Variants in HSD11B1 observed in about 807,000 individuals in gnomAD.
The protein encoded by HSD11B1 is 11-beta-hydroxysteroid dehydrogenase 1.
HSD11B1 carries 15 observed loss-of-function variants against 22.1 expected under a neutral mutation model. The observed-to-expected ratio is 0.68, with a 90% CI of 0.45 to 1.04. The LOEUF (loss-of-function observed/expected upper bound fraction) is 1.04. Among genes scored for constraint, HSD11B1 ranks in the 50% least tolerant of loss-of-function variants. HSD11B1 has a pLI of 0.00. For missense variants in HSD11B1, 281 were observed against 357.6 expected (o/e 0.79, Z 1.73); for synonymous variants, 122 against 125.2 (o/e 0.97, Z 0.17).
At chr1:209,722,992 T>C (rs1415967879) in intron 4 of HSD11B1, among the ~76,000 whole-genome samples, 1 of 152,184 alleles carries the variant, frequency 6.6e-6, no homozygotes, top group East Asian at 1.9e-4. Flanking sequence ...CCTCAGTGCA[T>C]GGCTTCTTTG....
intron 4 of HSD11B1, among the ~76,000 whole-genome samples, chr1:209,725,081 G>A (rs2076992744): frequency 6.6e-6 from 1 of 152,090 alleles, no homozygotes; most frequent in African/African-American, 2.4e-5. Flanking sequence ...CTTTATCTCA[G>A]TATGAACTTT....
chr1:209,704,053 C>T (rs1009171646), upstream of HSD11B1, among the ~76,000 whole-genome samples: 2 of 152,194 alleles, frequency 1.3e-5, no homozygotes, highest in African/African-American at 4.8e-5. Flanking sequence ...CAGCTAGTTT[C>T]ACTTGCCTAA....
intron 2 of HSD11B1, 32 bp downstream of exon 2, chr1:209,705,973 C>T (rs370466267): frequency 3.0e-5 from 49 of 1,612,546 alleles, no homozygotes; most frequent in Admixed American, 5.0e-5. Context: ...ATATGTGTAC[C>T]GTCACATGCT....
At chr1:209,693,298 C>A (rs747946441) in intron 1 of HSD11B1, among the ~76,000 whole-genome samples, 24 of 152,154 alleles carry the variant, frequency 1.6e-4, no homozygotes, top group Non-Finnish European at 2.8e-4. Flanking sequence ...GGGAGCAGGA[C>A]AAGGCAGAAA....
At position 209,698,213 on chromosome 1, in the gene HSD11B1, AG is replaced by A. The variant is rs1475458380; in HGVS notation, c.-48-6681del. Among the ~76,000 whole-genome samples, 3 of 149,680 alleles carry A rather than the reference AG, an allele frequency of 2.0e-5. No homozygotes were observed. The East Asian group carries it at 5.9e-4, about 29-fold the overall frequency. On this transcript the variant is annotated intron_variant, in intron 1 of 6. Coordinates refer to the HSD11B1 transcript ENST00000261465. ...TAGATAGATAGATAGATAGATAGAT[AG>A]ATAGGAAGGACAGACAGACAGGCAT...
chr1:209,705,790 C>T, intron 1 of HSD11B1, 21 bp from the exon 2 acceptor site: 1 of 1,613,234 alleles, frequency 6.2e-7, no homozygotes, highest in East Asian at 2.2e-5. Flanking sequence ...ATGGTCCTCA[C>T]TTCCTTTTGG....
intron 1 of HSD11B1, among the ~76,000 whole-genome samples, chr1:209,698,192 T>C (rs1205795660): frequency 1.3e-5 from 2 of 151,692 alleles, no homozygotes; most frequent in Admixed American, 6.6e-5. Context: ...GATAGATAGA[T>C]AGATAGATAG....
chr1:209,705,372 C>CAAAAAA, intron 1 of HSD11B1, among the ~76,000 whole-genome samples: 1 of 83,050 alleles, frequency 1.2e-5, no homozygotes, highest in Non-Finnish European at 2.6e-5. Context: ...AAGTGGGAGG[C>CAAAAAA]AAAAAAAAAA....
chr1:209,707,280 T>A lies in HSD11B1; in HGVS notation c.517+152T>A, dbSNP rs1451761549. 14 of 712,544 alleles carry A rather than the reference T, an allele frequency of 2.0e-5. No individual in the cohort carries two copies. In the Admixed American group the frequency reaches 3.0e-4, roughly 15 times the overall value. 44.1% of individuals were successfully genotyped at this position (712,544 alleles called of 1,614,324 possible). On this transcript the variant is annotated intron_variant, in intron 4 of 5. Coordinates refer to ENST00000367027, the MANE Select transcript of HSD11B1 (RefSeq NM_005525.4). Reference sequence around the variant, plus strand: ...AGGTAAGTGGGCTACAAAATTCTTTTAAGTAACAGAGAAAAAGCAGTAGCT... The same window carrying A: ...AGGTAAGTGGGCTACAAAATTCTTTAAAGTAACAGAGAAAAAGCAGTAGCT...
rs958227524 is a variant in HSD11B1, at chr1:209,706,302, T to C, written c.219+361T>C. The stretch of plus-strand genomic sequence containing the variant: ...CCCAGTACCTGCTTATGAATACATA[T>C]CCTCATACCCATGCAGACTCCCAGA... On this transcript the variant is annotated intron_variant, in intron 2 of 5. Coordinates refer to ENST00000367027, the MANE Select transcript of HSD11B1 (RefSeq NM_005525.4). This position sits in a 1 kb window ranked among gnomAD's most constrained non-coding sequence, Gnocchi z 4.0. Among the ~76,000 whole-genome samples, 2 of 152,144 alleles carry C rather than the reference T, an allele frequency of 1.3e-5. No homozygotes were observed. Among genetic ancestry groups the C allele is most frequent in the Non-Finnish European group, 1.5e-5 (1 of 68,028 alleles).
rs557818199 is a variant in HSD11B1 at position 209,706,867 on chromosome 1, T to C, written c.331+47T>C. 179 of 1,598,466 alleles carry C rather than the reference T, an allele frequency of 1.1e-4. No individual in the cohort carries two copies. The African/African-American group carries it at 2.2e-3, about 20-fold the overall frequency. On this transcript the variant is annotated intron_variant, in intron 3 of 5. Transcript: ENST00000367027. This position sits in a 1 kb window ranked among gnomAD's most constrained non-coding sequence, Gnocchi z 4.0. ...CCTCCTCTGAACTTTGCCCTTGGGG[T>C]CACCAAGAGCTTTTGGGAGGAGAAT...
chr1:209,726,629 T>A (rs1296416469), intron 4 of HSD11B1, among the ~76,000 whole-genome samples: 2 of 152,188 alleles, frequency 1.3e-5, no homozygotes, highest in African/African-American at 4.8e-5. Flanking sequence ...CATACAAGCA[T>A]CCATGTCATG....
intron 1 of HSD11B1, among the ~76,000 whole-genome samples, chr1:209,696,017 C>A (rs2076789157): frequency 6.6e-6 from 1 of 152,206 alleles, no homozygotes; most frequent in East Asian, 1.9e-4. Flanking sequence ...TACATCCATA[C>A]AATGGAATAT....
intron 4 of HSD11B1, among the ~76,000 whole-genome samples, chr1:209,709,975 A>C (rs924264060): frequency 2.9e-5 from 4 of 136,240 alleles, no homozygotes; most frequent in South Asian, 5.0e-4. Flanking sequence ...CACACACACA[A>C]AAGACTCATT....
chr1:209,692,965 T>TA (rs1449550888), intron 1 of HSD11B1, among the ~76,000 whole-genome samples: 1 of 152,210 alleles, frequency 6.6e-6, no homozygotes, highest in African/African-American at 2.4e-5. Flanking sequence ...TCTGTATATT[T>TA]AAGTCTCTCT....
intron 1 of HSD11B1, among the ~76,000 whole-genome samples, chr1:209,694,896 A>C (rs1558186050): frequency 6.6e-6 from 1 of 152,226 alleles, no homozygotes; most frequent in Non-Finnish European, 1.5e-5. Context: ...TAAAGCAGAA[A>C]ACAGTGGTGG....
chr1:209,727,832 C>T (rs2077013030), intron 4 of HSD11B1, among the ~76,000 whole-genome samples: 1 of 152,220 alleles, frequency 6.6e-6, no homozygotes. Context: ...ATACTTGTCT[C>T]CGCTTACTTA....
chr1:209,688,906 A>G (rs1197346100), intron 1 of HSD11B1, among the ~76,000 whole-genome samples: 1 of 152,246 alleles, frequency 6.6e-6, no homozygotes, highest in African/African-American at 2.4e-5. Context: ...TGGATGAGTA[A>G]TAAGTGACTT....
Position 209,732,585 on chromosome 1 carries a change from G to A in HSD11B1, c.661+6G>A, listed in dbSNP as rs1259863470. ...TCTTGGCCTCATAGACACAGGTAAG[G>A]TCAATACTTTGTGTTTTTTTTTAAT... On this transcript the variant is annotated splice_donor_region_variant and intron_variant, in intron 5 of 5. Coordinates refer to ENST00000367027, the MANE Select transcript of HSD11B1 (RefSeq NM_005525.4). The A allele has an allele frequency of 5.0e-6, 8 of 1,610,902 alleles. No individual in the cohort carries two copies. In the Admixed American group the frequency reaches 8.3e-5, roughly 17 times the overall value.
Sources: gnomAD v4.1 joint callset for allele counts (sites outside exome capture counted in the v4.1 genomes callset) on GRCh38, gnomAD v4.1.1 for gene constraint, Gnocchi (gnomAD v3.1) non-coding constraint, MANE v1.5 for transcripts, NCBI Gene and HGNC (gene_info 2026-07-23, HGNC 2026-07-21) for gene names.